The following RSPH14 variants were observed in gnomAD, a reference collection of about 807,000 sequenced individuals.
The protein encoded by RSPH14 is radial spoke head 14 homolog.
A neutral mutation model predicts 26.7 loss-of-function variants in RSPH14; 20 were observed. That is an observed-to-expected ratio of 0.75 (90% CI 0.53 to 1.09). RSPH14 has a LOEUF of 1.09. Ranked by LOEUF, RSPH14 falls within the 50% of genes least tolerant of loss-of-function variation. The pLI is 0.00. For missense variants in RSPH14, 449 were observed against 457.2 expected (o/e 0.98, Z 0.16); for synonymous variants, 177 against 189.3 (o/e 0.93, Z 0.53).
intron 4 of RSPH14, among the ~76,000 whole-genome samples, chr22:23,072,512 C>A (rs1427398360): frequency 6.6e-6 from 1 of 152,194 alleles, no homozygotes; most frequent in Admixed American, 6.5e-5. Flanking sequence ...AGTCAGCTCC[C>A]TCATTTCTGG....
chr22:23,095,606 C>T, intron 4 of RSPH14: 1 of 1,432,300 alleles, frequency 7.0e-7, no homozygotes, highest in Non-Finnish European at 9.4e-7. Context: ...GGCAGCTGGG[C>T]TCTTGTCTGC....
intron 4 of RSPH14, among the ~76,000 whole-genome samples, chr22:23,092,333 C>G (rs1457013695): frequency 6.6e-6 from 1 of 152,194 alleles, no homozygotes; most frequent in Non-Finnish European, 1.5e-5. Flanking sequence ...CGCAAGGCTT[C>G]CTTACATCCG....
At position 23,071,807 on chromosome 22, in the gene RSPH14, C is replaced by T. The variant is rs951630002; in HGVS notation, c.422-7674G>A. 2.6e-5 allele frequency among the ~76,000 whole-genome samples: 4 copies of T among 152,166 alleles called. No homozygotes were observed. The highest frequency in any genetic ancestry group is 9.7e-5 in the African/African-American group (4 of 41,438). On this transcript the variant is annotated intron_variant, in intron 4 of 6. Transcript: ENST00000216036. The surrounding 1 kb of genome is among the most constrained non-coding windows in gnomAD (Gnocchi z 4.1). The stretch of plus-strand genomic sequence containing the variant: ...TGAACTGGAGCTTGAAGGACATGGG[C>T]ACAGCTAAGCTGGGCATTGTGGGCA...
chr22:23,140,563 G>A lies in RSPH14; in HGVS notation c.-52-91C>T, dbSNP rs1317510196. 7.4e-6 allele frequency: 10 copies of A among 1,354,860 alleles called. No individual in the cohort carries two copies. The African/African-American group carries it at 1.3e-4, about 18-fold the overall frequency. 83.9% of individuals were successfully genotyped at this position (1,354,860 alleles called of 1,614,324 possible). A position where few individuals can be genotyped will look rare whatever the true frequency, so the allele number is the denominator to read the frequency against. On this transcript the variant is annotated intron_variant, in intron 1 of 6. Coordinates refer to ENST00000216036, the MANE Select transcript of RSPH14 (RefSeq NM_014433.3). The stretch of plus-strand genomic sequence containing the variant: ...TCCAAACTGTGAGGGCAGGCAAATG[G>A]GTATTTTTACTTTCATTTTACAGAT...
chr22:23,171,290 A>G, the RSPH14 span, among the ~76,000 whole-genome samples: 1 of 151,758 alleles, frequency 6.6e-6, no homozygotes, highest in African/African-American at 2.4e-5. Context: ...GGGCAGGTTC[A>G]CTCCTCCTTA....
chr22:23,169,830 C>T, the RSPH14 span, among the ~76,000 whole-genome samples: 11 of 152,038 alleles, frequency 7.2e-5, no homozygotes, highest in African/African-American at 2.2e-4. Context: ...TGGCTGGGTG[C>T]GGTGGTGCAC....
At chr22:23,067,691 C>T (rs2068242866) in intron 4 of RSPH14, among the ~76,000 whole-genome samples, 1 of 152,198 alleles carries the variant, frequency 6.6e-6, no homozygotes, top group African/African-American at 2.4e-5. Flanking sequence ...TCCTGACCAC[C>T]TCCCCAACTG....
At chr22:23,171,157 A>G in the RSPH14 span, among the ~76,000 whole-genome samples, 1 of 151,918 alleles carries the variant, frequency 6.6e-6, no homozygotes, top group Admixed American at 6.6e-5. Flanking sequence ...TAGTAGAGAC[A>G]AGGTTTCACC....
the RSPH14 span, chr22:23,161,947 C>G: frequency 5.0e-6 from 1 of 201,154 alleles, no homozygotes; most frequent in Non-Finnish European, 1.0e-5. Flanking sequence ...CAGCAGTCAA[C>G]CCTGCACTCT....
chr22:23,121,208 C>G (rs2070016175), intron 4 of RSPH14, among the ~76,000 whole-genome samples: 1 of 152,226 alleles, frequency 6.6e-6, no homozygotes, highest in South Asian at 2.1e-4. Flanking sequence ...AGGCTGCTCA[C>G]TCCTCAGGAC....
chr22:23,097,140 GT>G (rs1409806638), intron 4 of RSPH14, among the ~76,000 whole-genome samples: 1 of 152,204 alleles, frequency 6.6e-6, no homozygotes, highest in Non-Finnish European at 1.5e-5. Flanking sequence ...CAGATTTCAA[GT>G]CTGCCCTTAA....
At chr22:23,169,682 G>A in the RSPH14 span, among the ~76,000 whole-genome samples, 2 of 152,128 alleles carry the variant, frequency 1.3e-5, no homozygotes, top group African/African-American at 2.4e-5. Flanking sequence ...AAGAAATCAC[G>A]CTGAAGGACC....
At chr22:23,146,474 A>T (rs1023116011), upstream of RSPH14, 2 of 1,376,108 alleles carry the variant, frequency 1.5e-6, no homozygotes, top group Non-Finnish European at 9.5e-7. Context: ...GGCCTCCCAA[A>T]GTGCTGGGAT....
At chr22:23,086,320 G>A (rs773501690) in intron 4 of RSPH14, among the ~76,000 whole-genome samples, 1 of 152,206 alleles carries the variant, frequency 6.6e-6, no homozygotes, top group Non-Finnish European at 1.5e-5. Context: ...CCATCTTTGC[G>A]CTTTGATTTC....
intron 4 of RSPH14, among the ~76,000 whole-genome samples, chr22:23,116,163 G>A (rs533953468): frequency 3.3e-5 from 5 of 152,358 alleles, no homozygotes; most frequent in Admixed American, 2.0e-4. Flanking sequence ...CATGACCTCC[G>A]TCTCCTCACT....
At chr22:23,102,056 T>G (rs764162184) in intron 4 of RSPH14, among the ~76,000 whole-genome samples, 1 of 152,234 alleles carries the variant, frequency 6.6e-6, no homozygotes, top group Non-Finnish European at 1.5e-5. Context: ...GGGCCACCCG[T>G]GGCCTAGAGG....
At chr22:23,130,477 A>G (rs1482861086) in intron 4 of RSPH14, among the ~76,000 whole-genome samples, 2 of 21,866 alleles carry the variant, frequency 9.1e-5, no homozygotes, top group Non-Finnish European at 1.4e-4. Flanking sequence ...AAAAGAAAAG[A>G]GAAAGAAAGA....
chr22:23,148,620 G>A (rs1297070911), upstream of RSPH14, among the ~76,000 whole-genome samples: 1 of 152,166 alleles, frequency 6.6e-6, no homozygotes, highest in Admixed American at 6.5e-5. Context: ...AGTTCATCCT[G>A]CACCCCAGGG....
chr22:23,148,052 C>G (rs1487179046), upstream of RSPH14, among the ~76,000 whole-genome samples: 2 of 152,120 alleles, frequency 1.3e-5, no homozygotes, highest in African/African-American at 4.8e-5. Context: ...TAGATCCTCT[C>G]CATGGAATGG....
Sources: allele counts gnomAD v4.1 joint callset (sites outside exome capture counted in the v4.1 genomes callset), GRCh38; gene constraint gnomAD v4.1.1; non-coding constraint Gnocchi (gnomAD v3.1); transcripts MANE v1.5; gene names NCBI Gene and HGNC (gene_info 2026-07-23, HGNC 2026-07-21).